Variants in BANK1 observed in about 807,000 individuals in gnomAD.
BANK1 encodes B cell scaffold protein with ankyrin repeats 1.
Under a neutral mutation model 94.5 loss-of-function variants are expected in BANK1, and 95 were observed. The observed-to-expected ratio is 1.00, with a 90% CI of 0.85 to 1.19. The LOEUF (loss-of-function observed/expected upper bound fraction) is 1.19, where lower values mean the gene tolerates loss of function less well. Among genes scored for constraint, BANK1 ranks in the 50% most tolerant of loss-of-function variants. The probability of loss-of-function intolerance (pLI) is 0.00; values close to 1 mark genes in which losing one functional copy is unlikely to be tolerated. For missense variants in BANK1, 987 were observed against 932.2 expected (o/e 1.06, Z -0.77); for synonymous variants, 334 against 308.4 (o/e 1.08, Z -0.87).
intron 9 of BANK1, 34 bp downstream of exon 9, chr4:102,025,543 CAAAG>C: frequency 6.3e-7 from 1 of 1,591,360 alleles, no homozygotes; most frequent in Non-Finnish European, 8.6e-7. Flanking sequence ...CAAAACAAAA[CAAAG>C]ACAAATCTTT....
chr4:101,986,899 G>GTATA (rs1166018412), intron 7 of BANK1, among the ~76,000 whole-genome samples: 11,748 of 82,584 alleles, frequency 0.14, 1,927 homozygotes, highest in South Asian at 0.27. Context: ...GTGTGTGTGT[G>GTATA]TATATATATA....
chr4:101,956,050 C>T (rs1025542024), intron 7 of BANK1, among the ~76,000 whole-genome samples: 2 of 152,100 alleles, frequency 1.3e-5, no homozygotes, highest in African/African-American at 4.8e-5. Context: ...AGAATAACTC[C>T]TATAGATTTT....
intron 1 of BANK1, among the ~76,000 whole-genome samples, chr4:101,812,605 T>C (rs1725764486): frequency 6.6e-6 from 1 of 152,108 alleles, no homozygotes; most frequent in African/African-American, 2.4e-5. Context: ...GATACTATTC[T>C]ATGCATTTTA....
At chr4:102,039,373 C>G (rs1216747959) in intron 10 of BANK1, among the ~76,000 whole-genome samples, 3 of 152,118 alleles carry the variant, frequency 2.0e-5, no homozygotes, top group Admixed American at 6.6e-5. Context: ...CATCTTTCCT[C>G]TAAGCTTCAG....
At chr4:101,939,716 ACT>A (rs1449782051) in intron 7 of BANK1, among the ~76,000 whole-genome samples, 1 of 151,552 alleles carries the variant, frequency 6.6e-6, no homozygotes, top group Non-Finnish European at 1.5e-5. Flanking sequence ...TTTGATGAGA[ACT>A]CTCTCTGCCA....
At chr4:101,860,259 G>T (rs1462305042) in intron 3 of BANK1, among the ~76,000 whole-genome samples, 3 of 152,088 alleles carry the variant, frequency 2.0e-5, no homozygotes, top group Non-Finnish European at 2.9e-5. Context: ...CAAATACAGG[G>T]CCTTCTAAGT....
chr4:101,831,222 C>A (rs1726607162), intron 2 of BANK1, among the ~76,000 whole-genome samples: 1 of 152,108 alleles, frequency 6.6e-6, no homozygotes, highest in African/African-American at 2.4e-5. Context: ...CAAGCCATTC[C>A]CAGAGTAGCT....
In BANK1 at chr4:102,074,300, C is replaced by T. The variant is rs1728852888; in HGVS notation, c.*301C>T. On this transcript the variant is annotated 3_prime_UTR_variant, in exon 17 of 17. Coordinates refer to ENST00000322953, the MANE Select transcript of BANK1 (RefSeq NM_017935.5). ...TTCCATTTTGAAAATTAAAAGAAAA[C>T]AGCACAGAGAAGTTAAATGCGGTGT... 1 of 152,184 alleles carries T rather than the reference C, an allele frequency of 6.6e-6. No individual in the cohort carries two copies. Among genetic ancestry groups the T allele is most frequent in the Non-Finnish European group, 1.5e-5 (1 of 68,066 alleles). 9.4% of individuals were successfully genotyped at this position (152,184 alleles called of 1,614,324 possible).
At chr4:101,793,974 C>A (rs1427375443) in intron 1 of BANK1, among the ~76,000 whole-genome samples, 5 of 151,942 alleles carry the variant, frequency 3.3e-5, no homozygotes, top group African/African-American at 1.2e-4. Context: ...GTGAAGGAAT[C>A]AAGCTCTCGT....
At chr4:102,054,337 C>T (rs1411413780) in intron 11 of BANK1, among the ~76,000 whole-genome samples, 2 of 152,074 alleles carry the variant, frequency 1.3e-5, no homozygotes, top group African/African-American at 4.8e-5. Context: ...TTAACAGAAG[C>T]CTGAAACACG....
rs28675916 is a variant in BANK1, at chr4:102,050,705, T to C, written c.1969+6798T>C. Among the ~76,000 whole-genome samples the C allele has an allele frequency of 7.9e-4, 120 of 152,354 alleles. 1 individual carries two copies. Among genetic ancestry groups the C allele is most frequent in the African/African-American group, 2.8e-3 (115 of 41,582 alleles). ...ACTTGCAACAAATGACTATTACCAT[T>C]TGTTATCATGCTTTCTGTGTTGTTT... On this transcript the variant is annotated intron_variant, in intron 11 of 16. Coordinates refer to ENST00000322953, the MANE Select transcript of BANK1 (RefSeq NM_017935.5).
chr4:101,805,953 A>G (rs978592509), intron 1 of BANK1, among the ~76,000 whole-genome samples: 11 of 152,050 alleles, frequency 7.2e-5, no homozygotes, highest in Non-Finnish European at 1.0e-4. Context: ...CAGCCTTTTA[A>G]TATAACTTTG....
intron 7 of BANK1, among the ~76,000 whole-genome samples, chr4:101,956,886 AAGTGAATT>A (rs1724365653): frequency 6.6e-6 from 1 of 152,206 alleles, no homozygotes; most frequent in South Asian, 2.1e-4. Flanking sequence ...TAAGGAATGC[AAGTGAATT>A]ACTCAACATC....
chr4:101,919,860 A>G (rs903219701), intron 7 of BANK1, among the ~76,000 whole-genome samples: 1 of 152,008 alleles, frequency 6.6e-6, no homozygotes, highest in Non-Finnish European at 1.5e-5. Context: ...ATAATTTTAT[A>G]TACAATAATT....
Position 102,074,569 on chromosome 4 carries a change from C to CTA in BANK1, c.*574_*575dup, listed in dbSNP as rs1378080294. ...AAAACATTATTATTTGAAAACTTTT[C>CTA]TATATCTCAAATTAATATACATTTT... On this transcript the variant is annotated 3_prime_UTR_variant, in exon 17 of 17. Transcript: ENST00000322953. 1.3e-5 allele frequency: 2 copies of CTA among 151,944 alleles called. No individual in the cohort carries two copies. Among genetic ancestry groups the CTA allele is most frequent in the East Asian group, 3.8e-4 (2 of 5,202 alleles). The allele number at this position is 151,944 out of a possible 1,614,324, so 9.4% of individuals were successfully genotyped here.
At chr4:102,044,646 C>T (rs1727818351) in intron 11 of BANK1, among the ~76,000 whole-genome samples, 1 of 106,916 alleles carries the variant, frequency 9.4e-6, no homozygotes, top group Non-Finnish European at 1.9e-5. Flanking sequence ...ACAGTCCCAC[C>T]AACAGTGTAA....
At position 101,803,656 on chromosome 4, in the gene BANK1, T is replaced by C. The variant is rs1297127397; in HGVS notation, c.70+12706T>C. Among the ~76,000 whole-genome samples, 3 of 152,094 alleles carry C rather than the reference T, an allele frequency of 2.0e-5. No individual in the cohort carries two copies. In the East Asian group the frequency reaches 5.8e-4, roughly 29 times the overall value. ...ATAAATATATTGGAAATTTTTTGGA[T>C]ATTTGCAACAATTTGAAAAAACTTG... is the stretch of plus-strand genomic sequence containing the variant. On this transcript the variant is annotated intron_variant, in intron 1 of 16. Coordinates refer to ENST00000322953, the MANE Select transcript of BANK1 (RefSeq NM_017935.5).
At chr4:101,824,602 G>A (rs1366740309) in intron 1 of BANK1, among the ~76,000 whole-genome samples, 1 of 151,942 alleles carries the variant, frequency 6.6e-6, no homozygotes, top group Non-Finnish European at 1.5e-5. Flanking sequence ...TGATATATGT[G>A]TGTGTGATTA....
At chr4:101,920,967 A>T (rs1722981212) in intron 7 of BANK1, among the ~76,000 whole-genome samples, 1 of 151,774 alleles carries the variant, frequency 6.6e-6, no homozygotes, top group Non-Finnish European at 1.5e-5. Flanking sequence ...GAGGGGAGGA[A>T]GAGAAAGGAG....
Sources: gnomAD v4.1 joint callset for allele counts (sites outside exome capture counted in the v4.1 genomes callset) on GRCh38, gnomAD v4.1.1 for gene constraint, MANE v1.5 for transcripts, NCBI Gene and HGNC (gene_info 2026-07-23, HGNC 2026-07-21) for gene names.